AGBL1: variants seen among roughly 807,000 people sequenced by gnomAD.
The protein encoded by AGBL1 is cytosolic carboxypeptidase 4.
In AGBL1, 130 loss-of-function variants were observed where a neutral mutation model predicts 118.9. The ratio of observed to expected loss-of-function variants is 1.09; its 90% CI spans 0.95 to 1.26. The LOEUF is 1.26. Among genes scored for constraint, AGBL1 ranks in the 50% most tolerant of loss-of-function variants. The pLI, the probability that AGBL1 is intolerant of heterozygous loss-of-function variation, is 0.00. For synonymous variants in AGBL1, 555 were observed against 478.9 expected, an observed-to-expected ratio of 1.16 and a Z score of -2.08; for missense variants, 1,584 against 1,298.1, an observed-to-expected ratio of 1.22 and a Z score of -3.38.
downstream of AGBL1, among the ~76,000 whole-genome samples, chr15:87,031,418 C>T (rs1239162016): frequency 6.6e-6 from 1 of 151,698 alleles, no homozygotes; most frequent in East Asian, 1.9e-4. Context: ...ATAACACAGA[C>T]CAGCCTTAAG....
At chr15:86,116,516 G>A (rs965477339) in intron 1 of AGBL1, 60 of 152,300 alleles carry the variant, frequency 3.9e-4, no homozygotes, top group African/African-American at 1.3e-3. Flanking sequence ...ATCATTGTGG[G>A]TGGGCATAGT....
chr15:86,326,722 A>G (rs1460051137), intron 17 of AGBL1, among the ~76,000 whole-genome samples: 4 of 152,196 alleles, frequency 2.6e-5, no homozygotes, highest in African/African-American at 9.7e-5. Flanking sequence ...AGACAACAGC[A>G]TTTGAGCAAC....
At chr15:86,545,323 G>A (rs1026991387) in intron 19 of AGBL1, among the ~76,000 whole-genome samples, 17 of 152,200 alleles carry the variant, frequency 1.1e-4, no homozygotes, top group African/African-American at 4.1e-4. Flanking sequence ...AGAAAAATTA[G>A]AGTGATTGAT....
rs934548227 is a variant in AGBL1 at position 86,762,596 on chromosome 15, A to T, written c.3158+88160A>T. On this transcript the variant is annotated intron_variant, in intron 22 of 22. Coordinates refer to ENST00000614907, the MANE Select transcript of AGBL1 (RefSeq NM_001386094.1). ...TCTGAGGGAAGAAGCCCTGACTGGT[A>T]GGCTCTCAACCACTCTACAAAGGAG... 4.0e-4 allele frequency among the ~76,000 whole-genome samples: 61 copies of T among 152,004 alleles called. 1 individual carries two copies. The highest frequency in any genetic ancestry group is 2.9e-5 in the Non-Finnish European group (2 of 67,978).
At chr15:86,485,379 A>G (rs142540943) in intron 18 of AGBL1, among the ~76,000 whole-genome samples, 8 of 127,896 alleles carry the variant, frequency 6.3e-5, no homozygotes, top group Non-Finnish European at 1.2e-4. Context: ...CACTGCTTAT[A>G]TATGAACAAC....
At chr15:86,906,660 G>A (rs1475043453) in intron 22 of AGBL1, among the ~76,000 whole-genome samples, 1 of 152,170 alleles carries the variant, frequency 6.6e-6, no homozygotes, top group Admixed American at 6.5e-5. Context: ...CAGACACTCA[G>A]TGATGACCTT....
chr15:86,943,640 CT>C (rs1306085517), intron 23 of AGBL1, among the ~76,000 whole-genome samples: 1 of 152,156 alleles, frequency 6.6e-6, no homozygotes, highest in Non-Finnish European at 1.5e-5. Context: ...ATGTTGCCTG[CT>C]TTTTTACTGC....
intron 1 of AGBL1, chr15:86,086,305 C>T (rs1895649830): frequency 6.6e-6 from 1 of 152,168 alleles, no homozygotes; most frequent in Non-Finnish European, 1.5e-5. Context: ...GACACCTCTT[C>T]ATATTTCAGA....
intron 18 of AGBL1, among the ~76,000 whole-genome samples, chr15:86,479,019 T>A (rs554240212): frequency 1.3e-5 from 2 of 152,332 alleles, no homozygotes; most frequent in East Asian, 3.9e-4. Context: ...CTGGGAAAAC[T>A]GGCTAGCCAC....
At chr15:86,874,784 AAAGAGCAC>A (rs1310260414) in intron 22 of AGBL1, among the ~76,000 whole-genome samples, 1 of 152,212 alleles carries the variant, frequency 6.6e-6, no homozygotes, top group Non-Finnish European at 1.5e-5. Context: ...CAGTATATAT[AAAGAGCAC>A]AACACATATG....
chr15:86,225,820 A>G (rs1408161064), intron 6 of AGBL1, among the ~76,000 whole-genome samples: 1 of 152,212 alleles, frequency 6.6e-6, no homozygotes, highest in Non-Finnish European at 1.5e-5. Flanking sequence ...AAATAAATAA[A>G]TAAAAATAAA....
chr15:86,883,518 C>G (rs2079925386), intron 22 of AGBL1, among the ~76,000 whole-genome samples: 1 of 152,164 alleles, frequency 6.6e-6, no homozygotes. Context: ...CCTTTCCTGC[C>G]TCCCCCTGAC....
chr15:86,748,510 CTTTTTTTTTTTTTTTTTTTT>C (rs752203969), intron 22 of AGBL1, among the ~76,000 whole-genome samples: 16 of 9,754 alleles, frequency 1.6e-3, no homozygotes, highest in Admixed American at 4.9e-3. Flanking sequence ...TCAATTTTGG[CTTTTTTTTTTTTTTTTTTTT>C]TTTTTTTTTT....
At chr15:86,635,969 A>G (rs7167387) in intron 21 of AGBL1, among the ~76,000 whole-genome samples, 14,199 of 152,152 alleles carry the variant, frequency 0.093, 1,463 homozygotes, top group African/African-American at 0.25. Flanking sequence ...TAATGGTGGG[A>G]TGGTAGCCAT....
At chr15:86,506,213 G>C (rs549767081) in intron 18 of AGBL1, among the ~76,000 whole-genome samples, 33 of 152,144 alleles carry the variant, frequency 2.2e-4, no homozygotes, top group Non-Finnish European at 4.3e-4. Flanking sequence ...TGAGAGCTCA[G>C]GGCCTTTTTA....
At chr15:86,515,853 G>A (rs191360418) in intron 18 of AGBL1, among the ~76,000 whole-genome samples, 27 of 152,328 alleles carry the variant, frequency 1.8e-4, no homozygotes, top group Admixed American at 1.4e-3. Context: ...GGACGTGCCC[G>A]TGACACAGCC....
At chr15:86,855,510 C>T (rs189397047) in intron 22 of AGBL1, among the ~76,000 whole-genome samples, 21 of 152,300 alleles carry the variant, frequency 1.4e-4, no homozygotes, top group Admixed American at 1.1e-3. Flanking sequence ...ATGGCATCCA[C>T]GTGGGAGAAG....
At chr15:86,208,064 A>G in intron 5 of AGBL1, among the ~76,000 whole-genome samples, 1 of 152,090 alleles carries the variant, frequency 6.6e-6, no homozygotes, top group Non-Finnish European at 1.5e-5. Flanking sequence ...CTTTTCTGCA[A>G]CTATTGAGAT....
intron 19 of AGBL1, among the ~76,000 whole-genome samples, chr15:86,544,876 A>G (rs193132044): frequency 1.3e-3 from 197 of 152,330 alleles, no homozygotes; most frequent in Middle Eastern, 3.4e-3. Flanking sequence ...GCATACAAGA[A>G]TAGAAAAAAA....
Sources: gnomAD v4.1 joint callset for allele counts (sites outside exome capture counted in the v4.1 genomes callset) on GRCh38, gnomAD v4.1.1 for gene constraint, MANE v1.5 for transcripts, NCBI Gene and HGNC (gene_info 2026-07-23, HGNC 2026-07-21) for gene names.